The following RSL1D1 variants were observed in gnomAD, a reference collection of about 807,000 sequenced individuals.
RSL1D1 encodes ribosomal L1 domain containing 1, also known as ribosomal L1 domain-containing protein 1.
Under a neutral mutation model 44.6 loss-of-function variants are expected in RSL1D1, and 34 were observed. The ratio of observed to expected loss-of-function variants is 0.76; its 90% confidence interval spans 0.58 to 1.02. The LOEUF (loss-of-function observed/expected upper bound fraction) is 1.02. Ranked by LOEUF, RSL1D1 falls within the 50% of genes least tolerant of loss-of-function variation. The pLI, the probability that RSL1D1 is intolerant of heterozygous loss-of-function variation, is 0.00. For synonymous variants in RSL1D1, 271 were observed against 207.4 expected (o/e 1.31, Z -2.63); for missense variants, 767 against 568.1 (o/e 1.35, Z -3.56).
chr16:11,842,972 A>G (rs1291155830), intron 5 of RSL1D1, among the ~76,000 whole-genome samples: 1 of 137,262 alleles, frequency 7.3e-6, no homozygotes, highest in African/African-American at 2.8e-5. Context: ...CCCAGGCTGG[A>G]GTGCAATGGC....
rs2053709005 is a variant in RSL1D1, at chr16:11,835,313, C to T, written c.*2474G>A. On this transcript the variant is annotated 3_prime_UTR_variant, in exon 9 of 9. Coordinates refer to ENST00000571133, the MANE Select transcript of RSL1D1 (RefSeq NM_015659.3). ...TCTCCTGCTTCAGCCTCCCAAGTAG[C>T]TGGGATTACAGGTGCCTCCCACCAT... 1 of 152,182 alleles carries T rather than the reference C, an allele frequency of 6.6e-6. No individual in the cohort carries two copies. The highest frequency in any genetic ancestry group is 2.1e-4 in the South Asian group (1 of 4,818). The allele number at this position is 152,182 out of a possible 1,614,324, so 9.4% of individuals were successfully genotyped here.
rs1567420667 is a variant in RSL1D1 at position 11,846,737 on chromosome 16, A to G, written c.491T>C (p.Leu164Pro). Residue 164 changes from leucine to proline, a missense_variant, in exon 4 of 9, where the codon CTC (leucine) becomes CCC (proline). Transcript: ENST00000571133. ...ATGTCTCCCAATGAGTGAGGGTAAG[A>G]GCCGCCTAATTCTGGCATCAGTAAG... is the stretch of plus-strand genomic sequence containing the variant. The part of the protein sequence containing the change: ...FFLTDARIRR[L>P]LPSLIGRHFY... 6.2e-7 allele frequency: 1 copy of G among 1,614,156 alleles called. No individual in the cohort carries two copies. The highest frequency in any genetic ancestry group is 8.5e-7 in the Non-Finnish European group (1 of 1,180,012).
rs752917810 is a variant in RSL1D1, at chr16:11,839,718, T to G, written c.1123A>C (p.Thr375Pro). The part of the protein sequence containing the change: ...IPQLVPIGKK[T>P]PANEKVEIQK... ...ACCTCTACTTTTTCATTAGCTGGAG[T>G]CTTCTTTCCTATTGGTACCAGCTGT... is the stretch of plus-strand genomic sequence containing the variant. Residue 375 changes from threonine to proline, a missense_variant, in exon 8 of 9, where the codon ACT becomes CCT. Transcript: ENST00000571133. 3 of 1,613,160 alleles carry G rather than the reference T, an allele frequency of 1.9e-6. No homozygotes were observed. The highest frequency in any genetic ancestry group is 1.1e-5 in the South Asian group (1 of 91,050).
At chr16:11,850,669 C>A (rs988019189) in intron 1 of RSL1D1, among the ~76,000 whole-genome samples, 3 of 152,166 alleles carry the variant, frequency 2.0e-5, no homozygotes, top group Admixed American at 6.5e-5. Flanking sequence ...CAGAAGGGCA[C>A]CTCTTCTACT....
At chr16:11,846,113 C>G (rs1386073850) in intron 5 of RSL1D1, among the ~76,000 whole-genome samples, 1 of 151,384 alleles carries the variant, frequency 6.6e-6, no homozygotes, top group African/African-American at 2.4e-5. Flanking sequence ...TTTAAAAAGG[C>G]CAGGTGCAGT....
At position 11,839,908 on chromosome 16, in the gene RSL1D1, C is replaced by A; in HGVS notation, c.933G>T (p.Lys311Asn). Residue 311 changes from lysine (K) to asparagine (N), a missense_variant, in exon 8 of 9, where the codon AAG becomes AAT. Coordinates refer to ENST00000571133, the MANE Select transcript of RSL1D1 (RefSeq NM_015659.3). ...CATCTTTACTAAGAACTGATGCAGT[C>A]TTCCTAGCCTGCTGCCTCTTCTTCT... is the stretch of plus-strand genomic sequence containing the variant. ...ERKKKRQQARKTASVLSKDDV... is the reference protein window; with the variant it reads ...ERKKKRQQARNTASVLSKDDV... The A allele has an allele frequency of 6.2e-7, 1 of 1,614,128 alleles. No individual in the cohort carries two copies. The highest frequency in any genetic ancestry group is 1.1e-5 in the South Asian group (1 of 91,084).
rs1299420293 is a variant in RSL1D1, at chr16:11,850,270, A to G, written c.245+9T>C. 1 of 1,562,730 alleles carries G rather than the reference A, an allele frequency of 6.4e-7. No individual in the cohort carries two copies. Among genetic ancestry groups the G allele is most frequent in the Non-Finnish European group, 8.6e-7 (1 of 1,162,312 alleles). On this transcript the variant is annotated intron_variant, in intron 2 of 8. Coordinates refer to ENST00000571133, the MANE Select transcript of RSL1D1 (RefSeq NM_015659.3). ...ATAAAAACAGCAAAGGTAGAAAATCACAACTTACAATCTGACCCTCAGTTC... is the reference window on the plus strand; with the variant it reads ...ATAAAAACAGCAAAGGTAGAAAATCGCAACTTACAATCTGACCCTCAGTTC...
chr16:11,841,816 C>A lies in RSL1D1; in HGVS notation c.734G>T (p.Trp245Leu), dbSNP rs144965657. The A allele has an allele frequency of 6.5e-5, 105 of 1,613,208 alleles. No homozygotes were observed. In the African/African-American group the frequency reaches 1.3e-3, roughly 20 times the overall value. ...CACAAACAGGAGTTTCACGCTCTCCCACTTCTGAAACAAAGAAAAGAGTAA... is the reference window on the plus strand; with the variant it reads ...CACAAACAGGAGTTTCACGCTCTCCAACTTCTGAAACAAAGAAAAGAGTAA... ...KGLSEKLPEK[W>L]ESVKLLFVKT... is the part of the protein sequence containing the mutation. The change falls in exon 7 of 9, where the codon TGG becomes TTG. Residue 245 changes from tryptophan to leucine, a missense_variant. Trp to Leu is a moderately conservative substitution (Grantham distance 61, BLOSUM62 -2). Coordinates refer to ENST00000571133, the MANE Select transcript of RSL1D1 (RefSeq NM_015659.3).
intron 5 of RSL1D1, among the ~76,000 whole-genome samples, chr16:11,843,777 A>C (rs2053779449): frequency 1.3e-5 from 2 of 149,710 alleles, no homozygotes; most frequent in Non-Finnish European, 3.0e-5. Context: ...AGGCTGAGGC[A>C]GAAGAATGGT....
In RSL1D1 at chr16:11,837,661, G is replaced by A. The variant is rs966794887; in HGVS notation, c.*126C>T. On this transcript the variant is annotated 3_prime_UTR_variant, in exon 9 of 9. Coordinates refer to ENST00000571133, the MANE Select transcript of RSL1D1 (RefSeq NM_015659.3). The stretch of plus-strand genomic sequence containing the variant: ...CACCGCCCCTGGACTACTTATGGAG[G>A]TTTTAAAAAATCTTTTAAGTCCAGG... 1 of 929,076 alleles carries A rather than the reference G, an allele frequency of 1.1e-6. No individual in the cohort carries two copies. 57.6% of individuals were successfully genotyped at this position (929,076 alleles called of 1,614,324 possible).
intron 2 of RSL1D1, among the ~76,000 whole-genome samples, chr16:11,849,044 G>A (rs1292875867): frequency 6.6e-6 from 1 of 152,046 alleles, no homozygotes; most frequent in African/African-American, 2.4e-5. Flanking sequence ...CTCCCAAAGT[G>A]CTGAGATTAC....
intron 2 of RSL1D1, 143 bp downstream of exon 2, chr16:11,850,136 C>T (rs995035958): frequency 1.2e-6 from 1 of 800,532 alleles, no homozygotes; most frequent in Non-Finnish European, 1.8e-6. Context: ...CTCTATGGTT[C>T]TTTTGGACAT....
chr16:11,841,895 G>A lies in RSL1D1; in HGVS notation c.729+12C>T. 1 of 1,612,462 alleles carries A rather than the reference G, an allele frequency of 6.2e-7. No individual in the cohort carries two copies. The highest frequency in any genetic ancestry group is 8.5e-7 in the Non-Finnish European group (1 of 1,178,958). On this transcript the variant is annotated intron_variant, in intron 6 of 8. Transcript: ENST00000571133. ...AAATGAACAATCAATTGATGCACCT[G>A]TAATACTGTACCTCTGGCAATTTTT...
chr16:11,837,630 G>T lies in RSL1D1; in HGVS notation c.*157C>A. 1.5e-6 allele frequency: 1 copy of T among 666,882 alleles called. No individual in the cohort carries two copies. Among genetic ancestry groups the T allele is most frequent in the South Asian group, 2.1e-5 (1 of 47,486 alleles). The allele number at this position is 666,882 out of a possible 1,614,324, so 41.3% of individuals were successfully genotyped here. ...CTCCCAAAGTGCTGGGATTACAGGCGTGAGCCACCGCCCCTGGACTACTTA... is the reference window on the plus strand; with the variant it reads ...CTCCCAAAGTGCTGGGATTACAGGCTTGAGCCACCGCCCCTGGACTACTTA... On this transcript the variant is annotated 3_prime_UTR_variant, in exon 9 of 9. Transcript: ENST00000571133.
intron 7 of RSL1D1, among the ~76,000 whole-genome samples, chr16:11,840,801 C>T (rs960842542): frequency 2.0e-5 from 3 of 152,094 alleles, no homozygotes; most frequent in African/African-American, 7.2e-5. Context: ...TGAAGTTATC[C>T]CAGTCCCAGT....
intron 7 of RSL1D1, chr16:11,841,403 G>C (rs1387681938): frequency 7.1e-6 from 2 of 280,480 alleles, no homozygotes; most frequent in Non-Finnish European, 1.4e-5. Flanking sequence ...GTGAGACCCT[G>C]TCTCTCTAAA....
At chr16:11,844,641 G>A (rs2053785811) in intron 5 of RSL1D1, among the ~76,000 whole-genome samples, 1 of 152,150 alleles carries the variant, frequency 6.6e-6, no homozygotes, top group Admixed American at 6.6e-5. Context: ...CTCCCCTGGG[G>A]TCAGGCCTCC....
At position 11,836,831 on chromosome 16, in the gene RSL1D1, C is replaced by A. The variant is rs1352427368; in HGVS notation, c.*956G>T. 6.6e-6 allele frequency: 1 copy of A among 152,160 alleles called. No homozygotes were observed. Among genetic ancestry groups the A allele is most frequent in the Non-Finnish European group, 1.5e-5 (1 of 68,034 alleles). 9.4% of individuals were successfully genotyped at this position (152,160 alleles called of 1,614,324 possible). On this transcript the variant is annotated 3_prime_UTR_variant, in exon 9 of 9. Coordinates refer to ENST00000571133, the MANE Select transcript of RSL1D1 (RefSeq NM_015659.3). ...CTCATACAGCGAGACCCTCACTGGG[C>A]CACTCTGGGAATGACTACAAATGAA... is the stretch of plus-strand genomic sequence containing the variant.
intron 3 of RSL1D1, among the ~76,000 whole-genome samples, chr16:11,847,336 T>C (rs1477810090): frequency 1.3e-5 from 2 of 152,126 alleles, no homozygotes; most frequent in South Asian, 2.1e-4. Context: ...GGTCCTGCCA[T>C]TGAATTCCAG....
Sources: allele counts gnomAD v4.1 joint callset (sites outside exome capture counted in the v4.1 genomes callset), GRCh38; gene constraint gnomAD v4.1.1; transcripts MANE v1.5; gene names NCBI Gene and HGNC (gene_info 2026-07-23, HGNC 2026-07-21).